CPEB1: variants seen among roughly 807,000 people sequenced by gnomAD.
CPEB1 encodes the protein cytoplasmic polyadenylation element-binding protein 1.
CPEB1 carries 7 observed loss-of-function variants against 65.8 expected under a neutral mutation model. That is an observed-to-expected ratio of 0.11 (90% confidence interval 0.06 to 0.20). The LOEUF (loss-of-function observed/expected upper bound fraction) is 0.20, where lower values mean the gene tolerates loss of function less well. CPEB1 is among the 10% of genes least tolerant of loss of function. The probability of loss-of-function intolerance (pLI) is 1.00; values close to 1 mark genes in which losing one functional copy is unlikely to be tolerated. For synonymous variants in CPEB1, 262 were observed against 260.0 expected (o/e 1.01, Z -0.08); for missense variants, 551 against 712.2 (o/e 0.77, Z 2.58).
chr15:82,554,124 A>C (rs937121745), intron 6 of CPEB1, 133 bp from the exon 7 acceptor site: 2 of 559,296 alleles, frequency 3.6e-6, no homozygotes, highest in Non-Finnish European at 3.1e-6. Context: ...GAGAATATCC[A>C]TGATTATTCT....
At chr15:82,628,024 G>C (rs369528585) in intron 2 of CPEB1, 1 of 581,738 alleles carries the variant, frequency 1.7e-6, no homozygotes, top group Non-Finnish European at 3.0e-6. Flanking sequence ...CAGATCAAGG[G>C]GTCATAAAGA....
chr15:82,639,498 T>C (rs555306912), intron 1 of CPEB1, among the ~76,000 whole-genome samples: 43 of 152,076 alleles, frequency 2.8e-4, no homozygotes, highest in East Asian at 1.4e-3. Context: ...TTTTTTTTTT[T>C]CCCCACTTAA....
intron 3 of CPEB1, among the ~76,000 whole-genome samples, chr15:82,592,874 G>C (rs757325433): frequency 1.3e-5 from 2 of 152,082 alleles, no homozygotes; most frequent in Non-Finnish European, 2.9e-5. Context: ...GCACATGCCT[G>C]TGGTCCCAGC....
rs569324480 is a variant in CPEB1, at chr15:82,633,945, C to G, written c.-97-5389G>C. On this transcript the variant is annotated intron_variant, in intron 1 of 12. Transcript: ENST00000684509. ...TCTACCACTTAGGTATCACTCTGAG[C>G]CTTGGTTACCTAAAGGTATAAAAAA... Among the ~76,000 whole-genome samples, 31 of 150,802 alleles carry G rather than the reference C, an allele frequency of 2.1e-4. 1 individual carries two copies. The South Asian group carries it at 6.1e-3, about 30-fold the overall frequency.
chr15:82,647,809 G>T, upstream of CPEB1: 1 of 1,280,494 alleles, frequency 7.8e-7, no homozygotes, highest in Non-Finnish European at 9.9e-7. Context: ...GTTAGCTACT[G>T]CGGCCGGGAC....
chr15:82,587,086 C>G (rs1169815047), intron 3 of CPEB1, among the ~76,000 whole-genome samples: 4 of 152,116 alleles, frequency 2.6e-5, no homozygotes, highest in Non-Finnish European at 5.9e-5. Context: ...GAAAAAATAA[C>G]TGTTCTACTT....
At chr15:82,598,213 C>T (rs1319756041) in intron 3 of CPEB1, among the ~76,000 whole-genome samples, 1 of 152,184 alleles carries the variant, frequency 6.6e-6, no homozygotes, top group Non-Finnish European at 1.5e-5. Flanking sequence ...CGGTGGCTCA[C>T]GCCTGTAATC....
chr15:82,544,754 A>C, intron 12 of CPEB1, 52 bp from the exon 13 acceptor site: 1 of 1,369,700 alleles, frequency 7.3e-7, no homozygotes, highest in Admixed American at 1.8e-5. Flanking sequence ...AGCACCAGAC[A>C]CAGGAGCTGT....
At chr15:82,572,911 C>T (rs1596046634) in intron 3 of CPEB1, 1 of 922,178 alleles carries the variant, frequency 1.1e-6, no homozygotes. Flanking sequence ...CCATCTCCTC[C>T]CACATCGGTC....
intron 3 of CPEB1, among the ~76,000 whole-genome samples, chr15:82,589,389 G>GC (rs971086082): frequency 3.9e-5 from 6 of 152,146 alleles, no homozygotes; most frequent in African/African-American, 1.4e-4. Context: ...ACTAACCCCT[G>GC]CCCCCATCCT....
intron 3 of CPEB1, among the ~76,000 whole-genome samples, chr15:82,595,096 T>A (rs2042572546): frequency 6.6e-6 from 1 of 152,222 alleles, no homozygotes; most frequent in Non-Finnish European, 1.5e-5. Context: ...AACAGACTTG[T>A]TCAACACAGG....
intron 4 of CPEB1, 49 bp from the exon 5 acceptor site, chr15:82,558,035 G>A: frequency 7.5e-7 from 1 of 1,334,494 alleles, no homozygotes. Flanking sequence ...TTTCTTTGCA[G>A]CCAACAGCCT....
chr15:82,639,184 G>C (rs971401895), intron 1 of CPEB1, among the ~76,000 whole-genome samples: 7 of 152,160 alleles, frequency 4.6e-5, no homozygotes, highest in Admixed American at 1.3e-4. Context: ...CTTCAGCTTA[G>C]TGGCCAAGTT....
At chr15:82,590,457 C>T (rs2151143779) in intron 3 of CPEB1, among the ~76,000 whole-genome samples, 1 of 152,258 alleles carries the variant, frequency 6.6e-6, no homozygotes, top group East Asian at 1.9e-4. Flanking sequence ...ATCAGGCACA[C>T]TCAGGGTGGT....
intron 3 of CPEB1, among the ~76,000 whole-genome samples, chr15:82,580,849 CTT>C: frequency 6.8e-6 from 1 of 147,290 alleles, no homozygotes; most frequent in African/African-American, 2.5e-5. Flanking sequence ...TCCCCAATTT[CTT>C]TTTTTTTTTT....
At chr15:82,610,824 G>A (rs1342115976) in intron 3 of CPEB1, among the ~76,000 whole-genome samples, 2 of 151,318 alleles carry the variant, frequency 1.3e-5, no homozygotes, top group Admixed American at 1.3e-4. Context: ...CTGGCATGGT[G>A]GCGCACACCT....
At chr15:82,552,425 C>T (rs1452418251) in intron 9 of CPEB1, 55 bp downstream of exon 9, 18 of 1,483,208 alleles carry the variant, frequency 1.2e-5, no homozygotes, top group Non-Finnish European at 1.5e-5. Flanking sequence ...CAAGAAAATC[C>T]AGTGCCTCAA....
chr15:82,564,280 T>C (rs1031679170), intron 4 of CPEB1, among the ~76,000 whole-genome samples: 8 of 148,364 alleles, frequency 5.4e-5, no homozygotes, highest in African/African-American at 1.3e-4. Context: ...TGGTTTTTTT[T>C]GTTTTTTTGT....
intron 4 of CPEB1, among the ~76,000 whole-genome samples, chr15:82,561,011 C>A (rs919880145): frequency 6.6e-6 from 1 of 152,144 alleles, no homozygotes; most frequent in African/African-American, 2.4e-5. Context: ...AAAGACAGAA[C>A]AAAGTCAATA....
Sources: gnomAD v4.1 joint callset for allele counts (sites outside exome capture counted in the v4.1 genomes callset) on GRCh38, gnomAD v4.1.1 for gene constraint, MANE v1.5 for transcripts, NCBI Gene and HGNC (gene_info 2026-07-23, HGNC 2026-07-21) for gene names.